The following KCNIP4 variants were observed in gnomAD, a reference collection of about 807,000 sequenced individuals.
The protein encoded by KCNIP4 is Kv channel-interacting protein 4.
A neutral mutation model predicts 34.0 loss-of-function variants in KCNIP4; 12 were observed. The ratio of observed to expected loss-of-function variants is 0.35; its 90% CI spans 0.23 to 0.57. The LOEUF (loss-of-function observed/expected upper bound fraction) is 0.57. KCNIP4 is among the 20% of genes least tolerant of loss of function. The probability of loss-of-function intolerance (pLI) is 0.83; values close to 1 mark genes in which losing one functional copy is unlikely to be tolerated. For synonymous variants in KCNIP4, 124 were observed against 102.2 expected (o/e 1.21, Z -1.29); for missense variants, 238 against 311.7 (o/e 0.76, Z 1.78).
intron 1 of KCNIP4, among the ~76,000 whole-genome samples, chr4:21,230,019 G>A (rs1577923559): frequency 6.6e-6 from 1 of 152,132 alleles, no homozygotes; most frequent in Non-Finnish European, 1.5e-5. Flanking sequence ...GAAATAGGGT[G>A]TTTGCAGATG....
chr4:21,578,896 A>C (rs1329230085), intron 1 of KCNIP4, among the ~76,000 whole-genome samples: 1 of 152,216 alleles, frequency 6.6e-6, no homozygotes, highest in Non-Finnish European at 1.5e-5. Flanking sequence ...TACGGATTTT[A>C]GAGACCAATT....
At chr4:21,457,562 T>A (rs1392734180) in intron 1 of KCNIP4, among the ~76,000 whole-genome samples, 1 of 152,124 alleles carries the variant, frequency 6.6e-6, no homozygotes, top group African/African-American at 2.4e-5. Flanking sequence ...TGGGGAGTGG[T>A]GGGACTAGAA....
intron 1 of KCNIP4, chr4:21,848,242 C>T (rs1724150257): frequency 6.6e-6 from 1 of 152,114 alleles, no homozygotes; most frequent in Admixed American, 6.6e-5. Flanking sequence ...CATAAGGATT[C>T]AACATATGTG....
intron 1 of KCNIP4, among the ~76,000 whole-genome samples, chr4:20,970,797 C>T (rs532332570): frequency 1.9e-4 from 29 of 152,324 alleles, no homozygotes; most frequent in African/African-American, 6.3e-4. Context: ...TATTGTATTA[C>T]CAGAGCCTCT....
At chr4:21,605,680 C>T (rs1292309377) in intron 1 of KCNIP4, among the ~76,000 whole-genome samples, 2 of 152,090 alleles carry the variant, frequency 1.3e-5, no homozygotes, top group African/African-American at 2.4e-5. Context: ...GGGGTTTCAC[C>T]ATGTTGGCCA....
chr4:21,339,578 TG>T (rs1382767014), intron 1 of KCNIP4, among the ~76,000 whole-genome samples: 2 of 151,994 alleles, frequency 1.3e-5, no homozygotes, highest in African/African-American at 4.8e-5. Flanking sequence ...GGATCTGAAG[TG>T]GGGATAAATA....
intron 1 of KCNIP4, among the ~76,000 whole-genome samples, chr4:21,087,370 G>A (rs189948922): frequency 1.3e-5 from 2 of 152,014 alleles, no homozygotes; most frequent in African/African-American, 4.8e-5. Context: ...TACAGATGGG[G>A]TTTCACCGTG....
intron 1 of KCNIP4, among the ~76,000 whole-genome samples, chr4:20,906,464 C>A (rs1727783950): frequency 6.6e-6 from 1 of 152,192 alleles, no homozygotes; most frequent in South Asian, 2.1e-4. Flanking sequence ...TTCACTAATT[C>A]AGGCAACACG....
intron 1 of KCNIP4, among the ~76,000 whole-genome samples, chr4:21,823,952 G>T (rs919738091): frequency 6.6e-6 from 1 of 152,084 alleles, no homozygotes; most frequent in Non-Finnish European, 1.5e-5. Flanking sequence ...TTTTGGCCAG[G>T]TGACATATTT....
intron 1 of KCNIP4, among the ~76,000 whole-genome samples, chr4:21,357,116 T>G (rs1279717880): frequency 6.6e-6 from 1 of 152,156 alleles, no homozygotes; most frequent in African/African-American, 2.4e-5. Flanking sequence ...TAGCCACATG[T>G]AGAAAGCTGA....
intron 1 of KCNIP4, among the ~76,000 whole-genome samples, chr4:21,765,843 A>AC (rs1490078572): frequency 6.6e-6 from 1 of 150,514 alleles, no homozygotes; most frequent in Non-Finnish European, 1.5e-5. Context: ...AAAAAAACAA[A>AC]CTGAAGATGT....
intron 1 of KCNIP4, among the ~76,000 whole-genome samples, chr4:21,086,962 T>A (rs1746495422): frequency 7.0e-6 from 1 of 142,386 alleles, no homozygotes; most frequent in African/African-American, 2.8e-5. Context: ...TCCCTTCCTT[T>A]TCCTTCCTCT....
intron 1 of KCNIP4, among the ~76,000 whole-genome samples, chr4:21,656,044 C>T (rs895401986): frequency 2.0e-5 from 3 of 152,152 alleles, no homozygotes; most frequent in African/African-American, 7.2e-5. Context: ...GAAGCATAAA[C>T]AACAGAAATA....
chr4:21,777,795 C>A (rs1719280696), intron 1 of KCNIP4, among the ~76,000 whole-genome samples: 2 of 152,128 alleles, frequency 1.3e-5, no homozygotes, highest in Non-Finnish European at 2.9e-5. Context: ...CACATCAGTT[C>A]TTTACTTCTT....
intron 1 of KCNIP4, among the ~76,000 whole-genome samples, chr4:20,883,935 G>A (rs962586408): frequency 9.2e-5 from 14 of 152,256 alleles, no homozygotes; most frequent in Admixed American, 8.5e-4. Flanking sequence ...GTATGATCTG[G>A]CCCTGTCTGA....
At chr4:21,188,379 A>G (rs1189694036) in intron 1 of KCNIP4, among the ~76,000 whole-genome samples, 2 of 152,174 alleles carry the variant, frequency 1.3e-5, no homozygotes, top group Non-Finnish European at 2.9e-5. Context: ...ACAAGTCCCA[A>G]AGAAGCAATC....
chr4:21,816,192 G>A (rs546409235), intron 1 of KCNIP4, among the ~76,000 whole-genome samples: 52 of 152,266 alleles, frequency 3.4e-4, no homozygotes, highest in African/African-American at 1.2e-3. Flanking sequence ...ATCACCAGAA[G>A]AAGGGACACT....
chr4:21,299,216 ATAT>A (rs1466923451), intron 1 of KCNIP4, among the ~76,000 whole-genome samples: 2 of 151,988 alleles, frequency 1.3e-5, no homozygotes, highest in African/African-American at 4.8e-5. Context: ...AAAGATATTA[ATAT>A]TATTTATAAT....
intron 2 of KCNIP4, among the ~76,000 whole-genome samples, chr4:20,856,422 T>C (rs1442096719): frequency 6.6e-6 from 1 of 152,200 alleles, no homozygotes; most frequent in Non-Finnish European, 1.5e-5. Flanking sequence ...CTATGCAAAA[T>C]TGGTGACCCC....
Sources: gnomAD v4.1 joint callset for allele counts (sites outside exome capture counted in the v4.1 genomes callset) on GRCh38, gnomAD v4.1.1 for gene constraint, MANE v1.5 for transcripts, NCBI Gene and HGNC (gene_info 2026-07-23, HGNC 2026-07-21) for gene names.